Variants in ESR1 observed in about 807,000 individuals in gnomAD.
ESR1 encodes the protein estrogen receptor 1, also known as estrogen receptor.
ESR1 carries 12 observed loss-of-function variants against 52.7 expected under a neutral mutation model. The ratio of observed to expected loss-of-function variants is 0.23; its 90% CI spans 0.15 to 0.37. The LOEUF (loss-of-function observed/expected upper bound fraction) is 0.37, where lower values mean the gene tolerates loss of function less well. Ranked by LOEUF, ESR1 falls within the 10% of genes least tolerant of loss-of-function variation. ESR1 has a pLI of 1.00. For synonymous variants in ESR1, 305 were observed against 316.8 expected (o/e 0.96, Z 0.39); for missense variants, 584 against 779.7 (o/e 0.75, Z 2.99).
chr6:151,925,983 A>G (rs1315257582), intron 3 of ESR1, among the ~76,000 whole-genome samples: 5 of 152,114 alleles, frequency 3.3e-5, no homozygotes, highest in African/African-American at 1.2e-4. Flanking sequence ...TTTAAGGTGT[A>G]AGGTTTGTGT....
intron 4 of ESR1, among the ~76,000 whole-genome samples, chr6:151,981,544 TTTTCTCCTTAAAA>T (rs1014406065): frequency 6.6e-6 from 1 of 152,216 alleles, no homozygotes; most frequent in Non-Finnish European, 1.5e-5. Context: ...GATGCTGAGT[TTTTCTCCTTAAAA>T]AACAAATCCA....
chr6:151,809,170 A>C (rs1270922127), intron 1 of ESR1: 6 of 451,096 alleles, frequency 1.3e-5, no homozygotes, highest in Non-Finnish European at 2.8e-5. Context: ...AATGCCCCGG[A>C]GTGGCGTGCG....
chr6:151,760,572 C>T (rs776310247), intron 2 of ESR1, among the ~76,000 whole-genome samples: 10 of 152,124 alleles, frequency 6.6e-5, no homozygotes, highest in African/African-American at 1.2e-4. Flanking sequence ...CTCTCCTTCC[C>T]GGACCTATTA....
rs148360576 is a variant in ESR1, at chr6:152,006,485, C to T, written c.1097-5171C>T. On this transcript the variant is annotated intron_variant, in intron 4 of 7. Coordinates refer to ENST00000206249, the MANE Select transcript of ESR1 (RefSeq NM_000125.4). Reference sequence around the variant, plus strand: ...AGTTACTATTTTTTGGAGAATAAATCGCAAAATATGGGACGTGAAGACTGC... The same window carrying T: ...AGTTACTATTTTTTGGAGAATAAATTGCAAAATATGGGACGTGAAGACTGC... Among the ~76,000 whole-genome samples, 40 of 151,964 alleles carry T rather than the reference C, an allele frequency of 2.6e-4. No individual in the cohort carries two copies. The East Asian group carries it at 5.0e-3, about 19-fold the overall frequency.
intron 2 of ESR1, among the ~76,000 whole-genome samples, chr6:151,791,029 G>C (rs185266622): frequency 6.6e-6 from 1 of 152,330 alleles, no homozygotes; most frequent in Non-Finnish European, 1.5e-5. Context: ...TACAGTGATT[G>C]AGTAGAATCA....
intron 3 of ESR1, among the ~76,000 whole-genome samples, chr6:151,913,986 G>A (rs1016418529): frequency 2.0e-5 from 3 of 151,930 alleles, no homozygotes; most frequent in African/African-American, 7.3e-5. Context: ...TCTACAGTAT[G>A]TGGTCTTGAT....
intron 4 of ESR1, among the ~76,000 whole-genome samples, chr6:151,956,663 A>G (rs1404851549): frequency 6.6e-6 from 1 of 151,992 alleles, no homozygotes; most frequent in African/African-American, 2.4e-5. Context: ...AACTTAGCAT[A>G]GGCTAAAGAA....
At chr6:151,978,476 T>A (rs2039674589) in intron 4 of ESR1, among the ~76,000 whole-genome samples, 2 of 152,120 alleles carry the variant, frequency 1.3e-5, no homozygotes, top group Admixed American at 1.3e-4. Flanking sequence ...TGGCTGAGAA[T>A]CTTCCAGAAG....
Position 151,770,866 on chromosome 6 carries a change from T to C in ESR1, c.-70-36977T>C, listed in dbSNP as rs1785455164. The stretch of plus-strand genomic sequence containing the variant: ...CCTGGAGATAATTGGTTTGACAATT[T>C]CAGTTGTTTCTCAGCAAAAAAAATA... On this transcript the variant is annotated intron_variant, in intron 2 of 2. Transcript: ENST00000404742. 2.0e-5 allele frequency among the ~76,000 whole-genome samples: 3 copies of C among 152,084 alleles called. No individual in the cohort carries two copies. In the South Asian group the frequency reaches 6.2e-4, roughly 32 times the overall value.
At chr6:151,757,551 C>T (rs539362167) in intron 2 of ESR1, among the ~76,000 whole-genome samples, 1 of 152,170 alleles carries the variant, frequency 6.6e-6, no homozygotes, top group Non-Finnish European at 1.5e-5. Context: ...AACCTTGGAT[C>T]CTGACCTCAG....
upstream of ESR1, among the ~76,000 whole-genome samples, chr6:151,801,051 G>GGTGTGTGTGTGTGTGTGTGTGT (rs3062689): frequency 1.5e-4 from 22 of 147,704 alleles, no homozygotes; most frequent in East Asian, 1.0e-3. Context: ...TTGATTATGT[G>GGTGTGTGTGTGTGTGTGTGTGT]GTGTGTGTGT....
chr6:151,855,226 A>G (rs967702919), intron 2 of ESR1, among the ~76,000 whole-genome samples: 1 of 152,176 alleles, frequency 6.6e-6, no homozygotes, highest in Non-Finnish European at 1.5e-5. Context: ...TTTTAAAATA[A>G]TTTAAAAGTA....
At chr6:152,060,874 T>G in intron 5 of ESR1, 117 bp from the exon 6 acceptor site, 1 of 807,110 alleles carries the variant, frequency 1.2e-6, no homozygotes, top group South Asian at 1.7e-5. Context: ...GATAGTTTTT[T>G]GTTAAAGATT....
rs2048253552 is a variant in ESR1 at position 152,070,085 on chromosome 6, A to G, written c.1369+8961A>G. 1.5e-5 allele frequency among the ~76,000 whole-genome samples: 2 copies of G among 137,648 alleles called. 1 individual carries two copies. Among genetic ancestry groups the G allele is most frequent in the African/African-American group, 6.4e-5 (2 of 31,020 alleles). The allele number at this position is 137,648 out of a possible 152,430, so 90.3% of individuals were successfully genotyped here. ...CACTGGACCTCTAATTCTAAGCAGT[A>G]CTGTCAACCTTATAGGTTATGATGT... On this transcript the variant is annotated intron_variant, in intron 6 of 7. Coordinates refer to ENST00000206249, the MANE Select transcript of ESR1 (RefSeq NM_000125.4).
At chr6:152,111,880 G>C (rs1290202177) in intron 6 of ESR1, among the ~76,000 whole-genome samples, 2 of 152,226 alleles carry the variant, frequency 1.3e-5, no homozygotes, top group African/African-American at 4.8e-5. Flanking sequence ...CAAAATTGGA[G>C]CTGCCAGATG....
intron 1 of ESR1, among the ~76,000 whole-genome samples, chr6:151,820,257 C>G (rs1228766399): frequency 6.6e-6 from 1 of 152,132 alleles, no homozygotes; most frequent in Non-Finnish European, 1.5e-5. Flanking sequence ...AGCTCCAGCC[C>G]AGTTCCTTGG....
intron 5 of ESR1, among the ~76,000 whole-genome samples, chr6:152,029,976 G>A (rs2044530896): frequency 6.6e-6 from 1 of 152,160 alleles, no homozygotes; most frequent in Admixed American, 6.6e-5. Context: ...AAGAGAGTGG[G>A]GGCCGATATT....
intron 1 of ESR1, among the ~76,000 whole-genome samples, chr6:151,831,163 G>GTT (rs1782344193): frequency 7.0e-6 from 1 of 143,826 alleles, no homozygotes; most frequent in Non-Finnish European, 1.5e-5. Flanking sequence ...TTTTTTTTGA[G>GTT]ACAGGTTCTC....
intron 2 of ESR1, among the ~76,000 whole-genome samples, chr6:151,741,709 G>A (rs1326075488): frequency 1.3e-5 from 2 of 152,032 alleles, no homozygotes; most frequent in Admixed American, 6.6e-5. Flanking sequence ...ACAACATGAC[G>A]TGATGAGATA....
Sources: gnomAD v4.1 joint callset for allele counts (sites outside exome capture counted in the v4.1 genomes callset) on GRCh38, gnomAD v4.1.1 for gene constraint, MANE v1.5 for transcripts, NCBI Gene and HGNC (gene_info 2026-07-23, HGNC 2026-07-21) for gene names.